Variants in BRIP1 observed in about 807,000 individuals in gnomAD.
BRIP1 encodes the protein Fanconi anemia group J protein.
A neutral mutation model predicts 119.7 loss-of-function variants in BRIP1; 88 were observed. That is an observed-to-expected ratio of 0.74 (90% CI 0.62 to 0.88). The LOEUF is 0.88. Among genes scored for constraint, BRIP1 ranks in the 40% least tolerant of loss-of-function variants. The pLI, the probability that BRIP1 is intolerant of heterozygous loss-of-function variation, is 0.00. For synonymous variants in BRIP1, 443 were observed against 496.5 expected (o/e 0.89, Z 1.43); for missense variants, 1,259 against 1,455.4 (o/e 0.87, Z 2.20).
Position 61,711,167 on chromosome 17 carries a change from T to C in BRIP1, c.2492+4784A>G, listed in dbSNP as rs186448205. Among the ~76,000 whole-genome samples the C allele has an allele frequency of 4.1e-3, 624 of 151,978 alleles. 3 individuals carry two copies. Among genetic ancestry groups the C allele is most frequent in the African/African-American group, 0.014 (575 of 41,456 alleles). On this transcript the variant is annotated intron_variant, in intron 17 of 19. Coordinates refer to ENST00000259008, the MANE Select transcript of BRIP1 (RefSeq NM_032043.3). ...TAGAAGAATCAAATGAGATAATATA[T>C]GTGGAGAAGGTTTGTAAACGAGAAA...
rs2144850460 is a variant in BRIP1, at chr17:61,761,523, C to T, written c.2097+14878G>A. On this transcript the variant is annotated intron_variant, in intron 14 of 19. Coordinates refer to ENST00000259008, the MANE Select transcript of BRIP1 (RefSeq NM_032043.3). This position sits in a 1 kb window ranked among gnomAD's most constrained non-coding sequence, Gnocchi z 6.4. ...ATATAGAAACCCCTAAAGACTACAA[C>T]AAAAAACTGTTAGAACTAATAAATG... is the stretch of plus-strand genomic sequence containing the variant. 6.6e-6 allele frequency among the ~76,000 whole-genome samples: 1 copy of T among 151,970 alleles called. No individual in the cohort carries two copies.
rs542000581 is a variant in BRIP1 at position 61,808,955 on chromosome 17, A to C, written c.628-198T>G. Among the ~76,000 whole-genome samples, 86 of 152,282 alleles carry C rather than the reference A, an allele frequency of 5.6e-4. No individual in the cohort carries two copies. Among genetic ancestry groups the C allele is most frequent in the African/African-American group, 2.0e-3 (85 of 41,574 alleles). ...AATTGGTCCTCATTCTTTCTTTTAAAAGTTATAAATGATATTTCCAAATTT... is the reference window on the plus strand; with the variant it reads ...AATTGGTCCTCATTCTTTCTTTTAACAGTTATAAATGATATTTCCAAATTT... On this transcript the variant is annotated intron_variant, in intron 6 of 19. Transcript: ENST00000259008. The surrounding 1 kb of genome is among the most constrained non-coding windows in gnomAD (Gnocchi z 4.1).
At chr17:61,727,527 G>A (rs997729765) in intron 16 of BRIP1, among the ~76,000 whole-genome samples, 2 of 152,068 alleles carry the variant, frequency 1.3e-5, no homozygotes, top group African/African-American at 2.4e-5. Flanking sequence ...AGCACTTTGG[G>A]AGGATGAGGC....
intron 11 of BRIP1, among the ~76,000 whole-genome samples, chr17:61,783,667 TA>T (rs984599450): frequency 5.9e-5 from 9 of 152,054 alleles, no homozygotes; most frequent in Non-Finnish European, 1.2e-4. Flanking sequence ...GTTCATACAA[TA>T]AAAAAGGGAC....
intron 17 of BRIP1, among the ~76,000 whole-genome samples, chr17:61,707,710 G>T (rs538634730): frequency 6.6e-6 from 1 of 152,116 alleles, no homozygotes; most frequent in African/African-American, 2.4e-5. Context: ...AGGCAATATG[G>T]TACATCTCTA....
rs2078970776 is a variant in BRIP1 at position 61,861,434 on chromosome 17, G to A, written c.93+13C>T. 2 of 1,583,922 alleles carry A rather than the reference G, an allele frequency of 1.3e-6. No homozygotes were observed. The highest frequency in any genetic ancestry group is 8.7e-7 in the Non-Finnish European group (1 of 1,153,020). Reference sequence around the variant, plus strand: ...ATATCTTAATAAAAACTTAACTGCTGAAAAATACTTACAGAATTCATCATA... The same window carrying A: ...ATATCTTAATAAAAACTTAACTGCTAAAAAATACTTACAGAATTCATCATA... On this transcript the variant is annotated intron_variant, in intron 2 of 19. Coordinates refer to ENST00000259008, the MANE Select transcript of BRIP1 (RefSeq NM_032043.3). This position sits in a 1 kb window ranked among gnomAD's most constrained non-coding sequence, Gnocchi z 4.5.
In BRIP1 at chr17:61,701,226, T is replaced by G. The variant is rs966349697; in HGVS notation, c.2493-7714A>C. Among the ~76,000 whole-genome samples, 1 of 152,236 alleles carries G rather than the reference T, an allele frequency of 6.6e-6. No individual in the cohort carries two copies. Among genetic ancestry groups the G allele is most frequent in the African/African-American group, 2.4e-5 (1 of 41,466 alleles). On this transcript the variant is annotated intron_variant, in intron 17 of 19. Coordinates refer to ENST00000259008, the MANE Select transcript of BRIP1 (RefSeq NM_032043.3). The surrounding 1 kb of genome is among the most constrained non-coding windows in gnomAD (Gnocchi z 5.1). ...CTTTGTTATGTGTCATGATTTTTGTTGAAAACAGTACATTTTAAATAATAT... is the reference window on the plus strand; with the variant it reads ...CTTTGTTATGTGTCATGATTTTTGTGGAAAACAGTACATTTTAAATAATAT...
chr17:61,741,011 C>T (rs2076979974), intron 16 of BRIP1, among the ~76,000 whole-genome samples: 1 of 152,166 alleles, frequency 6.6e-6, no homozygotes, highest in African/African-American at 2.4e-5. Context: ...CAACATAAAA[C>T]TTCTTTCAAA....
Position 61,706,933 on chromosome 17 carries a change from C to T in BRIP1, c.2492+9018G>A, listed in dbSNP as rs921365309. Among the ~76,000 whole-genome samples the T allele has an allele frequency of 6.6e-6, 1 of 152,164 alleles. No homozygotes were observed. The highest frequency in any genetic ancestry group is 2.4e-5 in the African/African-American group (1 of 41,446). On this transcript the variant is annotated intron_variant, in intron 17 of 19. Transcript: ENST00000259008. This position sits in a 1 kb window ranked among gnomAD's most constrained non-coding sequence, Gnocchi z 5.7. The stretch of plus-strand genomic sequence containing the variant: ...TTTAGACTACTTGCTGCACTGTTAT[C>T]ATTCCAGAGTTTTCCTTCCTGGTTG...
At position 61,794,151 on chromosome 17, in the gene BRIP1, T is replaced by C. The variant is rs946724765; in HGVS notation, c.1341-422A>G. Among the ~76,000 whole-genome samples the C allele has an allele frequency of 3.3e-5, 5 of 152,176 alleles. No homozygotes were observed. The highest frequency in any genetic ancestry group is 1.2e-4 in the African/African-American group (5 of 41,450). ...ACTAGAAAATATATAAATACATTCA[T>C]TGATATATATACACATTCATACATT... On this transcript the variant is annotated intron_variant, in intron 9 of 19. Transcript: ENST00000259008. The surrounding 1 kb of genome is among the most constrained non-coding windows in gnomAD (Gnocchi z 4.3).
chr17:61,787,639 T>C (rs989192409), intron 10 of BRIP1, among the ~76,000 whole-genome samples: 1 of 151,476 alleles, frequency 6.6e-6, no homozygotes, highest in Non-Finnish European at 1.5e-5. Context: ...TTTTCTTTTT[T>C]TTATTTTATT....
At chr17:61,830,209 C>A (rs546985512) in intron 6 of BRIP1, among the ~76,000 whole-genome samples, 1 of 150,898 alleles carries the variant, frequency 6.6e-6, no homozygotes, top group South Asian at 2.1e-4. Context: ...GCTGGGATTA[C>A]AGGGGTAAGC....
chr17:61,755,205 CAGGGAGGAGAGT>C lies in BRIP1; in HGVS notation c.2098-10626_2098-10615del, dbSNP rs1484164548. Among the ~76,000 whole-genome samples the C allele has an allele frequency of 1.3e-5, 2 of 152,066 alleles. No homozygotes were observed. The highest frequency in any genetic ancestry group is 2.9e-5 in the Non-Finnish European group (2 of 68,006). ...ATGAAGGTCCAAAACAATGGAAGGT[CAGGGAGGAGAGT>C]AGGGAGGGGTAAAACATAACTGTAA... On this transcript the variant is annotated intron_variant, in intron 14 of 19. Transcript: ENST00000259008. This position sits in a 1 kb window ranked among gnomAD's most constrained non-coding sequence, Gnocchi z 4.5.
rs1462808878 is a variant in BRIP1 at position 61,795,939 on chromosome 17, A to G, written c.1341-2210T>C. Among the ~76,000 whole-genome samples, 1 of 152,074 alleles carries G rather than the reference A, an allele frequency of 6.6e-6. No homozygotes were observed. Among genetic ancestry groups the G allele is most frequent in the Non-Finnish European group, 1.5e-5 (1 of 67,956 alleles). ...TTTGTTATTGCCTGTCTTTTGCATA[A>G]AAGTCATTTTAACTGGGGTGAGGTG... is the stretch of plus-strand genomic sequence containing the variant. On this transcript the variant is annotated intron_variant, in intron 9 of 19. Transcript: ENST00000259008. The surrounding 1 kb of genome is among the most constrained non-coding windows in gnomAD (Gnocchi z 5.6).
rs2061383852 is a variant in BRIP1, at chr17:61,687,852, C to T, written c.2576-1687G>A. ...TTCTTCCTGGGGAGAAAAGAGAAAA[C>T]TGGACCTTATGTCTTTTTCTGGGAG... On this transcript the variant is annotated intron_variant, in intron 18 of 19. Transcript: ENST00000259008. This position sits in a 1 kb window ranked among gnomAD's most constrained non-coding sequence, Gnocchi z 5.1. Among the ~76,000 whole-genome samples, 1 of 152,262 alleles carries T rather than the reference C, an allele frequency of 6.6e-6. No individual in the cohort carries two copies. The highest frequency in any genetic ancestry group is 2.1e-4 in the South Asian group (1 of 4,826).
At position 61,679,846 on chromosome 17, in the gene BRIP1, A is replaced by G. The variant is rs74859843; in HGVS notation, c.*3450T>C. On this transcript the variant is annotated 3_prime_UTR_variant, in exon 20 of 20. Coordinates refer to ENST00000259008, the MANE Select transcript of BRIP1 (RefSeq NM_032043.3). This position sits in a 1 kb window ranked among gnomAD's most constrained non-coding sequence, Gnocchi z 4.4. Reference sequence around the variant, plus strand: ...GAAAATGGCCTACATCCTACTCTATAAAGGCCAGTAGTTTACTTCTTGGAA... The same window carrying G: ...GAAAATGGCCTACATCCTACTCTATGAAGGCCAGTAGTTTACTTCTTGGAA... 1.4e-3 allele frequency among the ~76,000 whole-genome samples: 216 copies of G among 152,296 alleles called. 5 individuals are homozygous for G. In the East Asian group the frequency reaches 0.035, roughly 25 times the overall value.
At position 61,808,713 on chromosome 17, in the gene BRIP1, T is replaced by C. The variant is rs752356873; in HGVS notation, c.672A>G (p.Gly224=). Reference sequence around the variant, plus strand: ...TGGTATTCGATGACTCTTGACTGTTTCCTTGTTTAGTAGAACAACAGCACC... The same window carrying C: ...TGGTATTCGATGACTCTTGACTGTTCCCTTGTTTAGTAGAACAACAGCACC... ...CSRCCCSTKQ[G]NSQESSNTIK... is the part of the protein sequence containing the mutation. Residue 224 remains glycine, a synonymous_variant, in exon 7 of 20, where the codon GGA becomes GGG. Transcript: ENST00000259008. This position sits in a 1 kb window ranked among gnomAD's most constrained non-coding sequence, Gnocchi z 4.1. The C allele has an allele frequency of 1.1e-5, 18 of 1,613,788 alleles. No individual in the cohort carries two copies. The highest frequency in any genetic ancestry group is 1.6e-4 in the Middle Eastern group (1 of 6,084).
In BRIP1 at chr17:61,684,592, A is replaced by G. The variant is rs921125905; in HGVS notation, c.2906-452T>C. ...GCTCAAAGTTATAAAACTGGTTAGTAAGAAGACCAAGACTAGAAACTAGGT... is the reference window on the plus strand; with the variant it reads ...GCTCAAAGTTATAAAACTGGTTAGTGAGAAGACCAAGACTAGAAACTAGGT... On this transcript the variant is annotated intron_variant, in intron 19 of 19. Coordinates refer to ENST00000259008, the MANE Select transcript of BRIP1 (RefSeq NM_032043.3). This position sits in a 1 kb window ranked among gnomAD's most constrained non-coding sequence, Gnocchi z 4.5. Among the ~76,000 whole-genome samples the G allele has an allele frequency of 1.6e-4, 24 of 152,216 alleles. No individual in the cohort carries two copies. The highest frequency in any genetic ancestry group is 5.8e-4 in the African/African-American group (24 of 41,452).
At chr17:61,696,313 A>C (rs545577480) in intron 17 of BRIP1, among the ~76,000 whole-genome samples, 1 of 151,592 alleles carries the variant, frequency 6.6e-6, no homozygotes, top group Admixed American at 6.6e-5. Flanking sequence ...GATTGCTGGG[A>C]TCAATCTTAC....
Sources: allele counts gnomAD v4.1 joint callset (sites outside exome capture counted in the v4.1 genomes callset), GRCh38; gene constraint gnomAD v4.1.1; non-coding constraint Gnocchi (gnomAD v3.1); transcripts MANE v1.5; gene names NCBI Gene and HGNC (gene_info 2026-07-23, HGNC 2026-07-21).